The following TEX36 variants were observed in gnomAD, a reference collection of about 807,000 sequenced individuals.
The protein encoded by TEX36 is testis expressed 36, also known as testis-expressed protein 36.
In TEX36, 12 loss-of-function variants were observed where a neutral mutation model predicts 13.6. The ratio of observed to expected loss-of-function variants is 0.88; its 90% CI spans 0.56 to 1.43. The LOEUF (loss-of-function observed/expected upper bound fraction) is 1.43. Ranked by LOEUF, TEX36 falls within the 40% of genes most tolerant of loss-of-function variation. The pLI is 0.00. For missense variants in TEX36, 224 were observed against 228.3 expected (o/e 0.98, Z 0.12); for synonymous variants, 93 against 83.0 (o/e 1.12, Z -0.65).
chr10:125,638,814 G>A (rs1846649531), intron 3 of TEX36, among the ~76,000 whole-genome samples: 1 of 152,224 alleles, frequency 6.6e-6, no homozygotes, highest in African/African-American at 2.4e-5. Flanking sequence ...TCCAGCAGGG[G>A]CTGCATGAAG....
chr10:125,653,290 T>C (rs1232698670), downstream of TEX36, among the ~76,000 whole-genome samples: 1 of 152,074 alleles, frequency 6.6e-6, no homozygotes, highest in Non-Finnish European at 1.5e-5. Context: ...ATATACACCA[T>C]GGAATACTAT....
At chr10:125,641,018 G>GA (rs201334357) in intron 3 of TEX36, among the ~76,000 whole-genome samples, 3 of 147,584 alleles carry the variant, frequency 2.0e-5, no homozygotes, top group African/African-American at 5.0e-5. Context: ...TTCTGTAGGT[G>GA]AAAAAAAAAA....
chr10:125,636,657 C>T (rs1027690366), intron 3 of TEX36, among the ~76,000 whole-genome samples: 3 of 152,182 alleles, frequency 2.0e-5, no homozygotes, highest in Non-Finnish European at 4.4e-5. Context: ...TGCCCACACA[C>T]TGTGACCCAC....
chr10:125,643,034 G>A (rs7897102), intron 3 of TEX36, among the ~76,000 whole-genome samples: 44,570 of 152,108 alleles, frequency 0.29, 10,533 homozygotes, highest in African/African-American at 0.63. Flanking sequence ...ATTTGAGAAG[G>A]GGCAGGGTCC....
intron 3 of TEX36, among the ~76,000 whole-genome samples, chr10:125,598,629 C>T (rs1846109141): frequency 4.6e-5 from 7 of 152,180 alleles, no homozygotes; most frequent in Admixed American, 4.6e-4. Flanking sequence ...CTCAACATCT[C>T]TTCTGACTCT....
chr10:125,671,704 T>C (rs892871101), intron 1 of TEX36, among the ~76,000 whole-genome samples: 3 of 152,204 alleles, frequency 2.0e-5, no homozygotes, highest in Non-Finnish European at 2.9e-5. Flanking sequence ...TCAGGAGAAA[T>C]GATACCAGCT....
At chr10:125,635,286 T>C (rs1022738507) in intron 3 of TEX36, among the ~76,000 whole-genome samples, 1 of 152,226 alleles carries the variant, frequency 6.6e-6, no homozygotes, top group Non-Finnish European at 1.5e-5. Flanking sequence ...ACTCTTACCC[T>C]GCATCTAGCA....
At chr10:125,589,184 G>T (rs1365031648) in intron 3 of TEX36, among the ~76,000 whole-genome samples, 1 of 152,140 alleles carries the variant, frequency 6.6e-6, no homozygotes, top group Non-Finnish European at 1.5e-5. Context: ...ATTTTCATGA[G>T]ATTGTTTATT....
downstream of TEX36, among the ~76,000 whole-genome samples, chr10:125,652,415 A>G (rs568598302): frequency 2.6e-5 from 4 of 152,306 alleles, no homozygotes; most frequent in East Asian, 5.8e-4. Context: ...AAATGGTGAT[A>G]GGAAAACTGG....
At chr10:125,661,127 G>T (rs1329514716) in intron 2 of TEX36, 26 bp from the exon 3 acceptor site, 8 of 1,531,642 alleles carry the variant, frequency 5.2e-6, no homozygotes, top group Non-Finnish European at 7.1e-6. Context: ...GGAAGGGAAA[G>T]AGCACACATT....
At chr10:125,591,786 G>A (rs1413256777) in intron 3 of TEX36, among the ~76,000 whole-genome samples, 2 of 152,096 alleles carry the variant, frequency 1.3e-5, no homozygotes, top group East Asian at 1.9e-4. Flanking sequence ...CGTTCATGAC[G>A]AACTTGTTTA....
chr10:125,678,083 C>T (rs1368725064), intron 1 of TEX36, among the ~76,000 whole-genome samples: 2 of 152,032 alleles, frequency 1.3e-5, no homozygotes, highest in East Asian at 1.9e-4. Flanking sequence ...AAGTGTATTT[C>T]CTTGCTTTTT....
rs993637100 is a variant in TEX36, at chr10:125,683,051, G to A, written c.-62C>T. The A allele has an allele frequency of 1.8e-5, 27 of 1,531,354 alleles. No individual in the cohort carries two copies. Among genetic ancestry groups the A allele is most frequent in the Non-Finnish European group, 2.1e-5 (24 of 1,128,492 alleles). The allele number at this position is 1,531,354 out of a possible 1,614,324, so 94.9% of individuals were successfully genotyped here. A position where few individuals can be genotyped will look rare whatever the true frequency, so the allele number is the denominator to read the frequency against. ...CCTCACCTCTCCATAAGCTCTACAT[G>A]TCTGGGAAGCTGCTTCCTAAACTTC... On this transcript the variant is annotated 5_prime_UTR_variant, in exon 1 of 4. Transcript: ENST00000368821.
At chr10:125,613,285 T>TTTA in intron 3 of TEX36, among the ~76,000 whole-genome samples, 1 of 143,008 alleles carries the variant, frequency 7.0e-6, no homozygotes, top group South Asian at 2.2e-4. Flanking sequence ...TTATTTATTT[T>TTTA]TATTATTATT....
chr10:125,682,030 T>C (rs537201586), intron 1 of TEX36, among the ~76,000 whole-genome samples: 1 of 152,362 alleles, frequency 6.6e-6, no homozygotes, highest in Non-Finnish European at 1.5e-5. Flanking sequence ...TTTTTACCTG[T>C]TGCTACCCTA....
intron 3 of TEX36, among the ~76,000 whole-genome samples, chr10:125,644,810 A>G (rs1321857672): frequency 6.6e-6 from 1 of 152,276 alleles, no homozygotes; most frequent in Non-Finnish European, 1.5e-5. Context: ...TATGAAGGTT[A>G]TCCTGGTTGG....
intron 3 of TEX36, among the ~76,000 whole-genome samples, chr10:125,608,277 GAT>G: frequency 7.6e-6 from 1 of 131,472 alleles, no homozygotes; most frequent in African/African-American, 3.0e-5. Flanking sequence ...TATAGATTGT[GAT>G]GATGGTGATG....
chr10:125,640,771 G>A (rs1277271515), intron 3 of TEX36, among the ~76,000 whole-genome samples: 1 of 152,106 alleles, frequency 6.6e-6, no homozygotes. Context: ...CCAAAACACT[G>A]GGTCCCAGTG....
At chr10:125,593,662 A>G (rs1846048756) in intron 3 of TEX36, among the ~76,000 whole-genome samples, 1 of 152,234 alleles carries the variant, frequency 6.6e-6, no homozygotes, top group Admixed American at 6.5e-5. Context: ...TTAAAAATGA[A>G]CAGATATGCA....
Sources: allele counts gnomAD v4.1 joint callset (sites outside exome capture counted in the v4.1 genomes callset), GRCh38; gene constraint gnomAD v4.1.1; transcripts MANE v1.5; gene names NCBI Gene and HGNC (gene_info 2026-07-23, HGNC 2026-07-21).